Variants in NPAS3 observed in about 807,000 individuals in gnomAD.
NPAS3 encodes neuronal PAS domain protein 3, also known as neuronal PAS domain-containing protein 3.
Under a neutral mutation model 73.1 loss-of-function variants are expected in NPAS3, and 14 were observed. That is an observed-to-expected ratio of 0.19 (90% CI 0.13 to 0.30). The LOEUF (loss-of-function observed/expected upper bound fraction) is 0.30. NPAS3 is among the 10% of genes least tolerant of loss of function. The probability of loss-of-function intolerance (pLI) is 1.00; values close to 1 mark genes in which losing one functional copy is unlikely to be tolerated. For synonymous variants in NPAS3, 620 were observed against 541.5 expected (o/e 1.14, Z -2.01); for missense variants, 1,096 against 1,250.0 (o/e 0.88, Z 1.86).
At chr14:33,717,912 G>A (rs1428402659) in intron 6 of NPAS3, among the ~76,000 whole-genome samples, 1 of 152,020 alleles carries the variant, frequency 6.6e-6, no homozygotes, top group Non-Finnish European at 1.5e-5. Context: ...AAATAAAATG[G>A]TTATTGAGAA....
chr14:33,441,614 TC>T, intron 4 of NPAS3, among the ~76,000 whole-genome samples: 1 of 152,342 alleles, frequency 6.6e-6, no homozygotes, highest in South Asian at 2.1e-4. Flanking sequence ...ACTTTTTGAT[TC>T]CGGTTTTGAC....
chr14:33,007,627 C>T (rs1455451684), intron 1 of NPAS3, among the ~76,000 whole-genome samples: 1 of 152,166 alleles, frequency 6.6e-6, no homozygotes, highest in East Asian at 1.9e-4. Context: ...CTACTACATG[C>T]TTTACACTTA....
intron 1 of NPAS3, among the ~76,000 whole-genome samples, chr14:32,947,299 T>G (rs1304364005): frequency 6.6e-6 from 1 of 152,118 alleles, no homozygotes; most frequent in Non-Finnish European, 1.5e-5. Flanking sequence ...AGAAGCACTT[T>G]AGCTCAGAAA....
At chr14:33,227,314 T>G (rs1304557328) in intron 3 of NPAS3, among the ~76,000 whole-genome samples, 1 of 152,228 alleles carries the variant, frequency 6.6e-6, no homozygotes, top group Non-Finnish European at 1.5e-5. Context: ...ACCTCCTTGT[T>G]GTGAGTCAGT....
At chr14:33,125,243 T>C (rs548170120) in intron 2 of NPAS3, among the ~76,000 whole-genome samples, 1 of 152,224 alleles carries the variant, frequency 6.6e-6, no homozygotes, top group African/African-American at 2.4e-5. Flanking sequence ...TAATAATTTT[T>C]ATAAGCACTA....
At chr14:33,136,611 T>TCAAC (rs1165834704) in intron 2 of NPAS3, among the ~76,000 whole-genome samples, 1 of 152,174 alleles carries the variant, frequency 6.6e-6, no homozygotes, top group African/African-American at 2.4e-5. Context: ...GTATAGCTAG[T>TCAAC]CAACAGCAGA....
At chr14:33,783,230 A>C (rs1419088782) in intron 9 of NPAS3, among the ~76,000 whole-genome samples, 1 of 152,210 alleles carries the variant, frequency 6.6e-6, no homozygotes, top group Non-Finnish European at 1.5e-5. Context: ...CTGCAAGTGA[A>C]GGAAAGAGAA....
At chr14:33,221,110 G>C (rs1271185760) in intron 3 of NPAS3, among the ~76,000 whole-genome samples, 1 of 152,166 alleles carries the variant, frequency 6.6e-6, no homozygotes. Flanking sequence ...GCTCCTTGCT[G>C]GGGGTTCAGC....
intron 2 of NPAS3, among the ~76,000 whole-genome samples, chr14:33,123,135 T>A (rs1242450921): frequency 6.6e-6 from 1 of 152,062 alleles, no homozygotes; most frequent in Non-Finnish European, 1.5e-5. Flanking sequence ...TAAATAATAG[T>A]ATTTTATGTA....
At chr14:33,126,093 C>CCATA (rs2043416715) in intron 2 of NPAS3, among the ~76,000 whole-genome samples, 1 of 152,124 alleles carries the variant, frequency 6.6e-6, no homozygotes, top group African/African-American at 2.4e-5. Flanking sequence ...TTTAAGAGCC[C>CCATA]CATAGCATGC....
chr14:33,597,813 G>T (rs1198258913), intron 5 of NPAS3, among the ~76,000 whole-genome samples: 1 of 152,182 alleles, frequency 6.6e-6, no homozygotes, highest in African/African-American at 2.4e-5. Flanking sequence ...ATTCATTACT[G>T]CCTTGAATTG....
At chr14:33,621,467 T>C (rs1188205792) in intron 5 of NPAS3, among the ~76,000 whole-genome samples, 1 of 152,030 alleles carries the variant, frequency 6.6e-6, no homozygotes, top group Non-Finnish European at 1.5e-5. Flanking sequence ...TATTTAAAAA[T>C]TATTTATAAC....
intron 6 of NPAS3, among the ~76,000 whole-genome samples, chr14:33,722,347 T>G (rs1055715932): frequency 2.0e-5 from 3 of 152,182 alleles, no homozygotes; most frequent in African/African-American, 4.8e-5. Flanking sequence ...TTTACCTTTT[T>G]TAACTTAAGG....
chr14:33,371,552 T>C (rs1223649263), intron 4 of NPAS3, among the ~76,000 whole-genome samples: 2 of 152,182 alleles, frequency 1.3e-5, no homozygotes, highest in African/African-American at 4.8e-5. Flanking sequence ...TGAGAAAGGA[T>C]TGGTTTTCAT....
exon 9 of NPAS3, chr14:33,778,563 C>A: frequency 6.2e-7 from 1 of 1,611,178 alleles, no homozygotes; most frequent in South Asian, 1.1e-5. Flanking sequence ...CAGGCACAGT[C>A]ACTTGGACTG....
chr14:33,290,769 C>T (rs1041769331), intron 3 of NPAS3, among the ~76,000 whole-genome samples: 1 of 152,224 alleles, frequency 6.6e-6, no homozygotes, highest in Admixed American at 6.5e-5. Context: ...TGCCACAGAG[C>T]TCAGAGAATG....
At chr14:33,242,187 G>T (rs543294604) in intron 3 of NPAS3, among the ~76,000 whole-genome samples, 2 of 152,092 alleles carry the variant, frequency 1.3e-5, no homozygotes, top group South Asian at 2.1e-4. Flanking sequence ...GCAGAATAAA[G>T]AATAGAGAAA....
chr14:33,427,225 G>T (rs143376382), intron 4 of NPAS3, among the ~76,000 whole-genome samples: 2 of 151,916 alleles, frequency 1.3e-5, no homozygotes, highest in African/African-American at 2.4e-5. Context: ...TTGAGAAGAC[G>T]ATTCTCTGCT....
intron 2 of NPAS3, among the ~76,000 whole-genome samples, chr14:33,146,683 G>T (rs985525602): frequency 1.3e-5 from 2 of 152,210 alleles, no homozygotes; most frequent in Admixed American, 1.3e-4. Context: ...CACCTTTGCA[G>T]TACAGTGCCT....
Sources: gnomAD v4.1 joint callset for allele counts (sites outside exome capture counted in the v4.1 genomes callset) on GRCh38, gnomAD v4.1.1 for gene constraint, MANE v1.5 for transcripts, NCBI Gene and HGNC (gene_info 2026-07-23, HGNC 2026-07-21) for gene names.